The following ST13 variants were observed in gnomAD, a reference collection of about 807,000 sequenced individuals.
The protein encoded by ST13 is hsc70-interacting protein.
In ST13, 23 loss-of-function variants were observed where a neutral mutation model predicts 56.7. The ratio of observed to expected loss-of-function variants is 0.41; its 90% confidence interval spans 0.29 to 0.57. The LOEUF is 0.57. Among genes scored for constraint, ST13 ranks in the 20% least tolerant of loss-of-function variants. ST13 has a pLI of 0.36. For synonymous variants in ST13, 132 were observed against 142.4 expected (o/e 0.93, Z 0.52); for missense variants, 369 against 459.9 (o/e 0.80, Z 1.81).
intron 10 of ST13, among the ~76,000 whole-genome samples, chr22:40,828,576 G>A (rs1253673124): frequency 6.6e-6 from 1 of 151,752 alleles, no homozygotes; most frequent in African/African-American, 2.4e-5. Context: ...TCACGCCACT[G>A]CACTCCAGCC....
intron 10 of ST13, among the ~76,000 whole-genome samples, chr22:40,827,434 T>C (rs2057734022): frequency 6.6e-6 from 1 of 152,214 alleles, no homozygotes; most frequent in South Asian, 2.1e-4. Flanking sequence ...AAATCAGACT[T>C]TGCTACCTCC....
chr22:40,850,731 G>T (rs957858433), intron 2 of ST13, 92 bp downstream of exon 2: 1 of 898,694 alleles, frequency 1.1e-6, no homozygotes, highest in African/African-American at 1.7e-5. Flanking sequence ...GGGAAATCAG[G>T]AGTGATAACT....
At chr22:40,853,565 C>G (rs950020886) in intron 1 of ST13, among the ~76,000 whole-genome samples, 7 of 152,150 alleles carry the variant, frequency 4.6e-5, no homozygotes. Context: ...CAAGTAGGAC[C>G]AGTGTAGAGA....
chr22:40,835,097 T>C (rs2145736445), intron 7 of ST13, among the ~76,000 whole-genome samples: 1 of 152,388 alleles, frequency 6.6e-6, no homozygotes, highest in South Asian at 2.1e-4. Flanking sequence ...TCAGGTGGCC[T>C]AGCAGTGACT....
chr22:40,845,296 C>A (rs904869526), intron 3 of ST13, among the ~76,000 whole-genome samples: 2 of 152,140 alleles, frequency 1.3e-5, no homozygotes, highest in African/African-American at 4.8e-5. Context: ...TACAGTGATA[C>A]TTCAACGTAA....
intron 3 of ST13, among the ~76,000 whole-genome samples, chr22:40,845,142 T>C (rs2057824650): frequency 6.6e-6 from 1 of 152,134 alleles, no homozygotes; most frequent in Non-Finnish European, 1.5e-5. Flanking sequence ...GTTGTTGACA[T>C]GTGCAGTTTC....
At chr22:40,848,477 C>T (rs1038645687) in intron 2 of ST13, 108 bp from the exon 3 acceptor site, 19 of 768,174 alleles carry the variant, frequency 2.5e-5, no homozygotes, top group African/African-American at 5.2e-5. Flanking sequence ...CCAGGCATGG[C>T]GGCTCATGCC....
chr22:40,856,340 C>A (rs1306585187), intron 1 of ST13, 91 bp downstream of exon 1: 45 of 1,153,892 alleles, frequency 3.9e-5, no homozygotes, highest in South Asian at 3.6e-4. Context: ...AGCGACCCCG[C>A]CTCGCCCGCC....
At chr22:40,834,919 C>A (rs372943735) in intron 7 of ST13, among the ~76,000 whole-genome samples, 1 of 152,188 alleles carries the variant, frequency 6.6e-6, no homozygotes, top group African/African-American at 2.4e-5. Flanking sequence ...AAAAACATAT[C>A]CATCTTTATC....
chr22:40,833,086 C>G (rs1255417540), intron 7 of ST13, among the ~76,000 whole-genome samples: 1 of 152,062 alleles, frequency 6.6e-6, no homozygotes, highest in African/African-American at 2.4e-5. Flanking sequence ...ACAAGTAAAC[C>G]AGAAACTAAA....
At chr22:40,838,282 C>A (rs1324484090) in intron 5 of ST13, among the ~76,000 whole-genome samples, 1 of 152,104 alleles carries the variant, frequency 6.6e-6, no homozygotes, top group Admixed American at 6.6e-5. Flanking sequence ...GATTCACAAC[C>A]CCTGCTTTAG....
intron 5 of ST13, among the ~76,000 whole-genome samples, chr22:40,839,128 A>G (rs1216380525): frequency 6.6e-6 from 1 of 152,182 alleles, no homozygotes; most frequent in Non-Finnish European, 1.5e-5. Context: ...TAAAGGAATA[A>G]ATTTTTCAGG....
rs1375892636 is a variant in ST13 at position 40,847,544 on chromosome 22, G to A, written c.244+750C>T. 2.3e-4 allele frequency among the ~76,000 whole-genome samples: 32 copies of A among 139,346 alleles called. No individual in the cohort carries two copies. In the South Asian group the frequency reaches 6.6e-3, roughly 29 times the overall value. 91.4% of individuals were successfully genotyped at this position (139,346 alleles called of 152,430 possible). On this transcript the variant is annotated intron_variant, in intron 3 of 11. Coordinates refer to ENST00000216218, the MANE Select transcript of ST13 (RefSeq NM_003932.5). ...AGCCTGGGCGACACAGTGAGACTCCGTCTCAAAAAAAGAAAAAAAAAAAAA... is the reference window on the plus strand; with the variant it reads ...AGCCTGGGCGACACAGTGAGACTCCATCTCAAAAAAAGAAAAAAAAAAAAA...
chr22:40,841,505 G>A (rs1049085756), intron 4 of ST13, among the ~76,000 whole-genome samples: 4 of 152,092 alleles, frequency 2.6e-5, no homozygotes, highest in African/African-American at 9.7e-5. Context: ...GGAGGCTGAG[G>A]CAGGTAGATC....
intron 10 of ST13, among the ~76,000 whole-genome samples, chr22:40,828,117 T>C (rs2057737181): frequency 6.6e-6 from 1 of 152,244 alleles, no homozygotes; most frequent in Non-Finnish European, 1.5e-5. Context: ...AAAAATTCTC[T>C]GAAAGTGAAA....
chr22:40,849,426 CAA>C (rs1457280516), intron 2 of ST13, among the ~76,000 whole-genome samples: 2 of 135,696 alleles, frequency 1.5e-5, no homozygotes, highest in Non-Finnish European at 3.0e-5. Flanking sequence ...TGCAATGAGC[CAA>C]GAGATCGCAC....
At chr22:40,836,437 C>T (rs534442151) in intron 5 of ST13, among the ~76,000 whole-genome samples, 97 of 151,070 alleles carry the variant, frequency 6.4e-4, no homozygotes, top group African/African-American at 2.1e-3. Context: ...AGCACGACTC[C>T]GTCTCAAAAA....
intron 1 of ST13, among the ~76,000 whole-genome samples, chr22:40,852,271 G>T (rs2057865550): frequency 6.6e-6 from 1 of 152,174 alleles, no homozygotes; most frequent in African/African-American, 2.4e-5. Context: ...CATTCTGATA[G>T]GTGCCTACTG....
chr22:40,852,182 A>G (rs938826164), intron 1 of ST13, among the ~76,000 whole-genome samples: 2 of 152,230 alleles, frequency 1.3e-5, no homozygotes, highest in African/African-American at 2.4e-5. Flanking sequence ...TTACACTTTT[A>G]TCAGCAATGT....
Sources: allele counts gnomAD v4.1 joint callset (sites outside exome capture counted in the v4.1 genomes callset), GRCh38; gene constraint gnomAD v4.1.1; transcripts MANE v1.5; gene names NCBI Gene and HGNC (gene_info 2026-07-23, HGNC 2026-07-21).